Variants in SYNJ1 observed in about 807,000 individuals in gnomAD.
The protein encoded by SYNJ1 is polyphosphatidylinositol phosphatase SYNJ1.
A neutral mutation model predicts 168.2 loss-of-function variants in SYNJ1; 78 were observed. The observed-to-expected ratio is 0.46, with a 90% confidence interval of 0.39 to 0.56. The LOEUF (loss-of-function observed/expected upper bound fraction) is 0.56. Among genes scored for constraint, SYNJ1 ranks in the 20% least tolerant of loss-of-function variants. The probability of loss-of-function intolerance (pLI) is 0.00; values close to 1 mark genes in which losing one functional copy is unlikely to be tolerated. For synonymous variants in SYNJ1, 539 were observed against 548.6 expected, an observed-to-expected ratio of 0.98 and a Z score of 0.24; for missense variants, 1,303 against 1,597.6, an observed-to-expected ratio of 0.82 and a Z score of 3.14.
At chr21:32,679,976 T>C (rs1390775797) in intron 11 of SYNJ1, among the ~76,000 whole-genome samples, 2 of 152,050 alleles carry the variant, frequency 1.3e-5, no homozygotes, top group East Asian at 3.8e-4. Context: ...TGAAAATATA[T>C]GTAACCTCTG....
chr21:32,665,089 G>T lies in SYNJ1; in HGVS notation c.2146-18C>A. The T allele has an allele frequency of 6.4e-7, 1 of 1,568,396 alleles. No individual in the cohort carries two copies. Among genetic ancestry groups the T allele is most frequent in the Non-Finnish European group, 8.7e-7 (1 of 1,155,174 alleles). On this transcript the variant is annotated intron_variant, in intron 17 of 32. Coordinates refer to ENST00000674351, the MANE Select transcript of SYNJ1 (RefSeq NM_203446.3). Reference sequence around the variant, plus strand: ...ATCCTTCCCTGAAAGCAATGAGATAGAATTTTAAATTCAAAACAATCAATG... The same window carrying T: ...ATCCTTCCCTGAAAGCAATGAGATATAATTTTAAATTCAAAACAATCAATG...
At chr21:32,691,688 C>G (rs2042031360) in intron 6 of SYNJ1, among the ~76,000 whole-genome samples, 1 of 152,224 alleles carries the variant, frequency 6.6e-6, no homozygotes, top group Non-Finnish European at 1.5e-5. Context: ...TATGACAATT[C>G]TTATAATGCC....
chr21:32,688,348 C>A lies in SYNJ1; in HGVS notation c.809G>T (p.Arg270Leu), dbSNP rs532075408. The part of the protein sequence containing the change: ...PGLQVGSHRV[R>L]MSRGFEANAP... ...ATTGGCTTCAAATCCCCTTGACATA[C>A]GGACACGATGAGATCCCACCTTAGA... Residue 270 changes from arginine to leucine, a missense_variant, in exon 7 of 33, where the codon CGT (arginine) becomes CTT (leucine). Arg to Leu is a moderately radical substitution (Grantham distance 102, BLOSUM62 -2). Coordinates refer to ENST00000674351, the MANE Select transcript of SYNJ1 (RefSeq NM_203446.3). 1.9e-5 allele frequency: 30 copies of A among 1,613,470 alleles called. No homozygotes were observed. Among genetic ancestry groups the A allele is most frequent in the Non-Finnish European group, 2.3e-5 (27 of 1,179,776 alleles).
rs1343581764 is a variant in SYNJ1 at position 32,645,749 on chromosome 21, C to G, written c.3288G>C (p.Gln1096His). ...IDAQPATPLPQKDPAQPLEPK... is the reference protein window; with the variant it reads ...IDAQPATPLPHKDPAQPLEPK... ...GCTCCAAGGGCTGGGCGGGGTCTTT[C>G]TGCGGCAGCGGCGTTGCTGGCTGCG... The change falls in exon 25 of 33, where the codon CAG becomes CAC. Residue 1096 changes from glutamine to histidine, a missense_variant. Gln to His is a conservative substitution (Grantham distance 24, BLOSUM62 0). Coordinates refer to ENST00000674351, the MANE Select transcript of SYNJ1 (RefSeq NM_203446.3). The G allele has an allele frequency of 6.8e-7, 1 of 1,465,324 alleles. No homozygotes were observed. Among genetic ancestry groups the G allele is most frequent in the Non-Finnish European group, 9.0e-7 (1 of 1,106,854 alleles). The allele number at this position is 1,465,324 out of a possible 1,614,324, so 90.8% of individuals were successfully genotyped here. A position where few individuals can be genotyped will look rare whatever the true frequency, so the allele number is the denominator to read the frequency against.
chr21:32,692,123 G>A (rs1601439093), intron 6 of SYNJ1, among the ~76,000 whole-genome samples: 2 of 152,216 alleles, frequency 1.3e-5, no homozygotes, highest in Admixed American at 1.3e-4. Flanking sequence ...GAGGATAGTA[G>A]TGGGAATAAA....
Position 32,657,776 on chromosome 21 carries a change from T to C in SYNJ1, c.2401A>G (p.Thr801Ala), listed in dbSNP as rs1601312617. 1 of 1,614,060 alleles carries C rather than the reference T, an allele frequency of 6.2e-7. No individual in the cohort carries two copies. The highest frequency in any genetic ancestry group is 8.5e-7 in the Non-Finnish European group (1 of 1,179,986). Residue 801 changes from threonine to alanine, a missense_variant, in exon 19 of 33, where the codon ACC becomes GCC. Coordinates refer to ENST00000674351, the MANE Select transcript of SYNJ1 (RefSeq NM_203446.3). ...AGGACACGGTCTGTCCAGGCAGGGG[T>C]GCGGCACTTTTCACTGGTGTCATAG... ...DDYDTSEKCR[T>A]PAWTDRVLWR... is the part of the protein sequence containing the mutation.
Position 32,720,828 on chromosome 21 carries a change from A to G in SYNJ1, c.124+5944T>C, listed in dbSNP as rs149916470. On this transcript the variant is annotated intron_variant, in intron 2 of 32. Coordinates refer to ENST00000674351, the MANE Select transcript of SYNJ1 (RefSeq NM_203446.3). The stretch of plus-strand genomic sequence containing the variant: ...TTTTTAGAGTTATCCTCCATTTCCC[A>G]TATGTTGACCTTTTCTTTACTCCAT... 1.3e-3 allele frequency among the ~76,000 whole-genome samples: 197 copies of G among 152,328 alleles called. 1 individual carries two copies. Among genetic ancestry groups the G allele is most frequent in the Admixed American group, 7.0e-3 (107 of 15,300 alleles).
chr21:32,728,182 C>T (rs1414633087), upstream of SYNJ1: 1 of 980,200 alleles, frequency 1.0e-6, no homozygotes, highest in Non-Finnish European at 1.4e-6. Flanking sequence ...GCTACCTTTG[C>T]CTCCTGCGGC....
intron 14 of SYNJ1, 34 bp from the exon 15 acceptor site, chr21:32,670,406 A>G (rs768024157): frequency 6.5e-7 from 1 of 1,548,650 alleles, no homozygotes; most frequent in East Asian, 2.3e-5. Flanking sequence ...ACTTTTAAAT[A>G]TAGCCTCAGG....
At position 32,646,280 on chromosome 21, in the gene SYNJ1, G is replaced by A. The variant is rs934032170; in HGVS notation, c.3247+113C>T. ...TCTACAAGTTTTCCTATTCTGTACC[G>A]GAGAAAACAGGGTGCACTTTATCAC... is the stretch of plus-strand genomic sequence containing the variant. On this transcript the variant is annotated intron_variant, in intron 24 of 32. Transcript: ENST00000674351. 5.7e-6 allele frequency: 6 copies of A among 1,056,910 alleles called. No homozygotes were observed. In the Admixed American group the frequency reaches 8.5e-5, roughly 15 times the overall value. The allele number at this position is 1,056,910 out of a possible 1,614,324, so 65.5% of individuals were successfully genotyped here.
Position 32,657,139 on chromosome 21 carries a change from A to G in SYNJ1, c.2462-19T>C, listed in dbSNP as rs2145854148. 2.0e-6 allele frequency: 3 copies of G among 1,498,712 alleles called. No individual in the cohort carries two copies. The highest frequency in any genetic ancestry group is 2.8e-6 in the Non-Finnish European group (3 of 1,075,142). The allele number at this position is 1,498,712 out of a possible 1,614,324, so 92.8% of individuals were successfully genotyped here. On this transcript the variant is annotated intron_variant, in intron 19 of 32. Transcript: ENST00000674351. ...TCTTCAGCTGCAGTCAGAAGAAATG[A>G]AAACACAAGAGAAGCTGTATAAGCA...
At chr21:32,665,883 T>A (rs1024866881) in intron 17 of SYNJ1, 60 bp downstream of exon 17, 1 of 1,460,226 alleles carries the variant, frequency 6.8e-7, no homozygotes, top group African/African-American at 1.4e-5. Flanking sequence ...ATGTAGAATT[T>A]GGGGCAAATT....
intron 12 of SYNJ1, among the ~76,000 whole-genome samples, chr21:32,677,416 A>T (rs1036292156): frequency 1.1e-4 from 16 of 152,078 alleles, no homozygotes; most frequent in Non-Finnish European, 1.9e-4. Context: ...ACTTTTTTTT[A>T]AAGGTATGAT....
intron 21 of SYNJ1, among the ~76,000 whole-genome samples, chr21:32,654,285 A>T (rs1049492006): frequency 6.6e-6 from 1 of 152,224 alleles, no homozygotes; most frequent in Non-Finnish European, 1.5e-5. Flanking sequence ...AAAAGTGTGC[A>T]TAAGTACTTC....
In SYNJ1 at chr21:32,701,941, C is replaced by T; in HGVS notation, c.211+20G>A. On this transcript the variant is annotated intron_variant, in intron 3 of 32. Transcript: ENST00000674351. ...ATAGAAATGAAAAAATGGATGAATT[C>T]TACTGAATGATAAACTTACCAAGAT... is the stretch of plus-strand genomic sequence containing the variant. 6.7e-7 allele frequency: 1 copy of T among 1,498,206 alleles called. No individual in the cohort carries two copies. The highest frequency in any genetic ancestry group is 9.0e-7 in the Non-Finnish European group (1 of 1,109,352). 92.8% of individuals were successfully genotyped at this position (1,498,206 alleles called of 1,614,324 possible). A position where few individuals can be genotyped will look rare whatever the true frequency, so the allele number is the denominator to read the frequency against.
upstream of SYNJ1, chr21:32,728,045 C>A (rs142919628): frequency 3.7e-5 from 57 of 1,529,884 alleles, no homozygotes; most frequent in African/African-American, 7.2e-4. Context: ...CCGCATTGCG[C>A]CGCGGCCGGG....
At chr21:32,690,210 C>G (rs2041972042) in intron 6 of SYNJ1, among the ~76,000 whole-genome samples, 2 of 152,028 alleles carry the variant, frequency 1.3e-5, no homozygotes, top group Non-Finnish European at 2.9e-5. Flanking sequence ...GATTAGATTT[C>G]TGTTTTTGTG....
intron 6 of SYNJ1, among the ~76,000 whole-genome samples, chr21:32,693,065 A>T (rs2042082683): frequency 6.6e-6 from 1 of 151,796 alleles, no homozygotes; most frequent in African/African-American, 2.4e-5. Context: ...AAATATAAAT[A>T]AATTAAACAA....
At chr21:32,686,565 G>A (rs181632702) in intron 8 of SYNJ1, among the ~76,000 whole-genome samples, 99 of 152,194 alleles carry the variant, frequency 6.5e-4, no homozygotes, top group African/African-American at 2.0e-3. Context: ...AAGGTATAGC[G>A]TTGCATGTAT....
Sources: allele counts gnomAD v4.1 joint callset (sites outside exome capture counted in the v4.1 genomes callset), GRCh38; gene constraint gnomAD v4.1.1; transcripts MANE v1.5; gene names NCBI Gene and HGNC (gene_info 2026-07-23, HGNC 2026-07-21).